TEX36: variants seen among roughly 807,000 people sequenced by gnomAD.
TEX36 encodes testis expressed 36.
Under a neutral mutation model 13.6 loss-of-function variants are expected in TEX36, and 12 were observed. The ratio of observed to expected loss-of-function variants is 0.88; its 90% CI spans 0.56 to 1.43. TEX36 has a LOEUF of 1.43. Ranked by LOEUF, TEX36 falls within the 40% of genes most tolerant of loss-of-function variation. The probability of loss-of-function intolerance (pLI) is 0.00; values close to 1 mark genes in which losing one functional copy is unlikely to be tolerated. For missense variants in TEX36, 224 were observed against 228.3 expected (o/e 0.98, Z 0.12); for synonymous variants, 93 against 83.0 (o/e 1.12, Z -0.65).
chr10:125,634,941 G>A (rs1009132704), intron 3 of TEX36, among the ~76,000 whole-genome samples: 1 of 152,210 alleles, frequency 6.6e-6, no homozygotes, highest in African/African-American at 2.4e-5. Context: ...GCTGTGCTCA[G>A]GGCTGTGAGG....
At chr10:125,613,387 G>T (rs780120691) in intron 3 of TEX36, among the ~76,000 whole-genome samples, 1 of 148,520 alleles carries the variant, frequency 6.7e-6, no homozygotes, top group African/African-American at 2.5e-5. Flanking sequence ...CCACTAACTC[G>T]TCATCTAGCA....
intron 1 of TEX36, among the ~76,000 whole-genome samples, chr10:125,678,334 T>C (rs1411260809): frequency 1.3e-5 from 2 of 152,146 alleles, no homozygotes; most frequent in Non-Finnish European, 2.9e-5. Flanking sequence ...TAGGGTGTGG[T>C]TAACAGTAGA....
intron 3 of TEX36, among the ~76,000 whole-genome samples, chr10:125,587,938 C>T (rs974545108): frequency 6.6e-6 from 1 of 152,104 alleles, no homozygotes; most frequent in African/African-American, 2.4e-5. Flanking sequence ...TGGAGATCAT[C>T]CCATATTAGC....
intron 3 of TEX36, among the ~76,000 whole-genome samples, chr10:125,640,776 C>T (rs1383139398): frequency 6.6e-6 from 1 of 152,066 alleles, no homozygotes; most frequent in Admixed American, 6.5e-5. Flanking sequence ...ACACTGGGTC[C>T]CAGTGCCATG....
chr10:125,653,696 A>C (rs1335868962), downstream of TEX36, among the ~76,000 whole-genome samples: 7 of 152,188 alleles, frequency 4.6e-5, no homozygotes, highest in African/African-American at 1.7e-4. Context: ...TAACATCTTA[A>C]TATAAAAAGA....
chr10:125,626,747 G>A (rs1241206036), intron 3 of TEX36, among the ~76,000 whole-genome samples: 1 of 152,154 alleles, frequency 6.6e-6, no homozygotes, highest in Non-Finnish European at 1.5e-5. Flanking sequence ...TGGGATCCAG[G>A]AGAGCACTAA....
At chr10:125,667,319 G>A (rs1847139718) in intron 1 of TEX36, 1 of 640,408 alleles carries the variant, frequency 1.6e-6, no homozygotes, top group East Asian at 3.5e-5. Flanking sequence ...GTAGACAGCA[G>A]TCAGCACCTT....
chr10:125,668,089 T>C, intron 1 of TEX36: 1 of 597,396 alleles, frequency 1.7e-6, no homozygotes, highest in Non-Finnish European at 3.0e-6. Context: ...GGACAGAGTG[T>C]GGTTGGGGCA....
intron 3 of TEX36, 122 bp downstream of exon 3, chr10:125,660,899 C>T: frequency 1.2e-6 from 1 of 822,030 alleles, no homozygotes; most frequent in Non-Finnish European, 2.0e-6. Flanking sequence ...TGTTTAAGAC[C>T]TCGCTTTGTT....
intron 3 of TEX36, among the ~76,000 whole-genome samples, chr10:125,612,276 A>T (rs1380466651): frequency 7.3e-6 from 1 of 137,930 alleles, no homozygotes; most frequent in East Asian, 2.5e-4. Flanking sequence ...TAGAGATAGG[A>T]TTTCACCGTA....
intron 3 of TEX36, among the ~76,000 whole-genome samples, chr10:125,597,356 C>T (rs1203898181): frequency 1.3e-5 from 2 of 152,172 alleles, no homozygotes; most frequent in African/African-American, 4.8e-5. Flanking sequence ...AAAAAACACT[C>T]ACATGGGCAT....
intron 1 of TEX36, among the ~76,000 whole-genome samples, chr10:125,680,237 GA>G (rs1847373316): frequency 6.6e-6 from 1 of 152,122 alleles, no homozygotes; most frequent in African/African-American, 2.4e-5. Flanking sequence ...GGAAGTTGTG[GA>G]AAATCAGGCT....
intron 3 of TEX36, among the ~76,000 whole-genome samples, chr10:125,623,176 G>C (rs1455597586): frequency 6.6e-6 from 1 of 152,178 alleles, no homozygotes; most frequent in East Asian, 1.9e-4. Context: ...CACCTAGTTG[G>C]TGTTGTAAGG....
At chr10:125,662,605 G>A (rs1258342831) in intron 1 of TEX36, among the ~76,000 whole-genome samples, 1 of 152,200 alleles carries the variant, frequency 6.6e-6, no homozygotes, top group African/African-American at 2.4e-5. Flanking sequence ...AAACAGGACT[G>A]GGCAGAAGAG....
chr10:125,583,669 C>G (rs919715679), intron 3 of TEX36, among the ~76,000 whole-genome samples: 7 of 152,200 alleles, frequency 4.6e-5, no homozygotes, highest in Non-Finnish European at 7.3e-5. Context: ...AAAATATCAG[C>G]TGTAGGACTT....
intron 3 of TEX36, among the ~76,000 whole-genome samples, chr10:125,642,382 C>T (rs1218472439): frequency 6.6e-6 from 1 of 152,162 alleles, no homozygotes; most frequent in Non-Finnish European, 1.5e-5. Context: ...TTAAAACCAA[C>T]CACAACAAAA....
chr10:125,645,132 T>C (rs1238297136), intron 3 of TEX36, among the ~76,000 whole-genome samples: 1 of 152,234 alleles, frequency 6.6e-6, no homozygotes. Context: ...CCTCACCACG[T>C]GCACCCAGAC....
intron 3 of TEX36, among the ~76,000 whole-genome samples, chr10:125,630,174 T>A (rs1846534796): frequency 1.3e-5 from 2 of 152,244 alleles, no homozygotes; most frequent in Admixed American, 6.5e-5. Flanking sequence ...TGAAATTATT[T>A]TATTGGCATT....
chr10:125,622,570 T>C (rs1353118322), intron 3 of TEX36, among the ~76,000 whole-genome samples: 1 of 152,194 alleles, frequency 6.6e-6, no homozygotes, highest in Non-Finnish European at 1.5e-5. Flanking sequence ...AAAGTCTGGG[T>C]CATTTGTTCC....
Sources: allele counts gnomAD v4.1 joint callset (sites outside exome capture counted in the v4.1 genomes callset), GRCh38; gene constraint gnomAD v4.1.1; transcripts MANE v1.5; gene names NCBI Gene and HGNC (gene_info 2026-07-23, HGNC 2026-07-21).